SEMA3D: variants seen among roughly 807,000 people sequenced by gnomAD.
The protein encoded by SEMA3D is semaphorin 3D.
A neutral mutation model predicts 100.1 loss-of-function variants in SEMA3D; 84 were observed. That is an observed-to-expected ratio of 0.84 (90% CI 0.70 to 1.01). The LOEUF is 1.01. Among genes scored for constraint, SEMA3D ranks in the 50% least tolerant of loss-of-function variants. SEMA3D has a pLI of 0.00. For synonymous variants in SEMA3D, 312 were observed against 320.7 expected, an observed-to-expected ratio of 0.97 and a Z score of 0.29; for missense variants, 875 against 934.1, an observed-to-expected ratio of 0.94 and a Z score of 0.82.
Position 85,036,903 on chromosome 7 carries a change from G to A in SEMA3D, c.1177C>T (p.Pro393Ser). Residue 393 changes from proline to serine, a missense_variant, in exon 12 of 19, where the codon CCA becomes TCA. Coordinates refer to ENST00000284136, the MANE Select transcript of SEMA3D (RefSeq NM_001384900.1). ...TGGATACATACTGTACCAGGCCGTG[G>A]ATAAGGAATTCTCCCATCATACTGC... ...WVQYDGRIPY[P>S]RPGTCPSKTY... 1 of 1,612,938 alleles carries A rather than the reference G, an allele frequency of 6.2e-7. No homozygotes were observed. Among genetic ancestry groups the A allele is most frequent in the Non-Finnish European group, 8.5e-7 (1 of 1,179,186 alleles).
chr7:85,158,361 T>C (rs750319100), intron 1 of SEMA3D, among the ~76,000 whole-genome samples: 29 of 152,140 alleles, frequency 1.9e-4, no homozygotes, highest in Non-Finnish European at 3.2e-4. Context: ...ATGGCCGCTT[T>C]GGGGACGGCT....
At chr7:85,243,364 T>A in the SEMA3D span, among the ~76,000 whole-genome samples, 4 of 151,772 alleles carry the variant, frequency 2.6e-5, no homozygotes, top group African/African-American at 9.7e-5. Flanking sequence ...ATGAGTGGAG[T>A]TTTTCTCTCA....
intron 2 of SEMA3D, among the ~76,000 whole-genome samples, chr7:85,149,461 AC>A (rs1267002121): frequency 6.6e-6 from 1 of 151,954 alleles, no homozygotes; most frequent in Non-Finnish European, 1.5e-5. Context: ...AAATAAATAA[AC>A]AGCAAAAAAT....
chr7:85,111,502 C>A (rs544160450), intron 3 of SEMA3D, among the ~76,000 whole-genome samples: 1 of 152,220 alleles, frequency 6.6e-6, no homozygotes, highest in African/African-American at 2.4e-5. Flanking sequence ...GTATTCAGCT[C>A]ATCAGCAAAT....
chr7:85,085,244 A>G (rs1788182157), intron 4 of SEMA3D, among the ~76,000 whole-genome samples: 1 of 152,188 alleles, frequency 6.6e-6, no homozygotes, highest in Non-Finnish European at 1.5e-5. Flanking sequence ...ATAATGTAGG[A>G]AACAAAAAAA....
the SEMA3D span, among the ~76,000 whole-genome samples, chr7:85,229,751 A>T: frequency 6.6e-6 from 1 of 152,062 alleles, no homozygotes; most frequent in African/African-American, 2.4e-5. Flanking sequence ...CCCCTCTACT[A>T]ACATGTCTGA....
intron 2 of SEMA3D, among the ~76,000 whole-genome samples, chr7:85,128,377 A>C (rs1245902482): frequency 6.6e-6 from 1 of 151,744 alleles, no homozygotes; most frequent in Non-Finnish European, 1.5e-5. Flanking sequence ...CACCATGTTG[A>C]TCAGGCTGGT....
At chr7:85,089,403 C>T (rs1193907971) in intron 4 of SEMA3D, among the ~76,000 whole-genome samples, 1 of 152,014 alleles carries the variant, frequency 6.6e-6, no homozygotes, top group Non-Finnish European at 1.5e-5. Context: ...AGTAGTTTCC[C>T]AGGAACACCA....
At chr7:85,075,177 A>C (rs946500587) in intron 5 of SEMA3D, among the ~76,000 whole-genome samples, 95 of 152,108 alleles carry the variant, frequency 6.2e-4, no homozygotes, top group African/African-American at 2.2e-3. Flanking sequence ...ATATGGCTGG[A>C]GTGAGGGAGG....
the SEMA3D span, among the ~76,000 whole-genome samples, chr7:85,225,349 A>G: frequency 2.0e-5 from 3 of 150,542 alleles, no homozygotes; most frequent in East Asian, 5.9e-4. Flanking sequence ...CTCTTCATGA[A>G]CAATTCAGAT....
At chr7:85,199,074 G>A in the SEMA3D span, among the ~76,000 whole-genome samples, 31 of 151,200 alleles carry the variant, frequency 2.1e-4, 1 homozygote, top group Non-Finnish European at 3.1e-4. Flanking sequence ...TTAAATTTCC[G>A]GATAAAGAGA....
chr7:85,187,777 T>C (rs757843136), upstream of SEMA3D, among the ~76,000 whole-genome samples: 12 of 152,178 alleles, frequency 7.9e-5, no homozygotes, highest in South Asian at 4.1e-4. Context: ...AATGCAGAAA[T>C]ATCTCACTTC....
the SEMA3D span, among the ~76,000 whole-genome samples, chr7:85,223,918 G>C: frequency 5.9e-5 from 9 of 151,366 alleles, no homozygotes; most frequent in Non-Finnish European, 1.2e-4. Context: ...AAGTCTCTAA[G>C]AAATAATGCA....
intron 1 of SEMA3D, among the ~76,000 whole-genome samples, chr7:85,158,757 C>T (rs1308682099): frequency 5.3e-5 from 8 of 152,094 alleles, no homozygotes; most frequent in African/African-American, 1.9e-4. Flanking sequence ...GTGATGTCTC[C>T]TCTGGACACT....
chr7:85,074,186 G>T (rs981865909), intron 5 of SEMA3D, among the ~76,000 whole-genome samples: 2 of 152,116 alleles, frequency 1.3e-5, no homozygotes, highest in African/African-American at 4.8e-5. Flanking sequence ...CAAGTGTTGG[G>T]TTATTAAGGA....
intron 12 of SEMA3D, among the ~76,000 whole-genome samples, chr7:85,035,969 C>A (rs768536641): frequency 5.3e-5 from 8 of 151,886 alleles, no homozygotes; most frequent in Non-Finnish European, 7.4e-5. Flanking sequence ...AAACAGAATT[C>A]GGAAAGCATA....
chr7:85,099,043 T>G (rs1271968233), intron 3 of SEMA3D, among the ~76,000 whole-genome samples: 1 of 152,020 alleles, frequency 6.6e-6, no homozygotes, highest in African/African-American at 2.4e-5. Context: ...GTTGTCTGGA[T>G]GTACCACAGT....
At chr7:85,105,632 A>G (rs754972246) in intron 3 of SEMA3D, among the ~76,000 whole-genome samples, 15 of 152,090 alleles carry the variant, frequency 9.9e-5, no homozygotes, top group Non-Finnish European at 1.9e-4. Flanking sequence ...GCTCTCTTAG[A>G]TATCATTAAG....
chr7:85,186,823 A>C lies in SEMA3D; in HGVS notation c.-318T>G, dbSNP rs1791567727. On this transcript the variant is annotated 5_prime_UTR_variant, in exon 1 of 19. Transcript: ENST00000284136. Reference sequence around the variant, plus strand: ...GCCGCAGCCCTGGCTGAGCAAGCGGAGCCGCCGGCAGCCCTGGCAGAGCCG... The same window carrying C: ...GCCGCAGCCCTGGCTGAGCAAGCGGCGCCGCCGGCAGCCCTGGCAGAGCCG... 6.6e-6 allele frequency: 1 copy of C among 152,102 alleles called. No homozygotes were observed. The highest frequency in any genetic ancestry group is 2.1e-4 in the South Asian group (1 of 4,824). 9.4% of individuals were successfully genotyped at this position (152,102 alleles called of 1,614,324 possible).
Sources: allele counts gnomAD v4.1 joint callset (sites outside exome capture counted in the v4.1 genomes callset), GRCh38; gene constraint gnomAD v4.1.1; transcripts MANE v1.5; gene names NCBI Gene and HGNC (gene_info 2026-07-23, HGNC 2026-07-21).